PCGF3: variants seen among roughly 807,000 people sequenced by gnomAD.
PCGF3 encodes polycomb group ring finger 3, also known as polycomb group RING finger protein 3.
In PCGF3, 7 loss-of-function variants were observed where a neutral mutation model predicts 33.1. That is an observed-to-expected ratio of 0.21 (90% CI 0.12 to 0.40). The LOEUF is 0.40. PCGF3 is among the 10% of genes least tolerant of loss of function. The probability of loss-of-function intolerance (pLI) is 1.00; values close to 1 mark genes in which losing one functional copy is unlikely to be tolerated. For synonymous variants in PCGF3, 153 were observed against 121.3 expected, an observed-to-expected ratio of 1.26 and a Z score of -1.72; for missense variants, 211 against 313.3, an observed-to-expected ratio of 0.67 and a Z score of 2.46.
chr4:735,094 C>A, intron 5 of PCGF3, 67 bp downstream of exon 5: 1 of 1,520,300 alleles, frequency 6.6e-7, no homozygotes, highest in Non-Finnish European at 9.0e-7. Context: ...TGTGTGTGGG[C>A]CTTCCCAGGC....
At position 766,310 on chromosome 4, in the gene PCGF3, C is replaced by T. The variant is rs567770431; in HGVS notation, c.*231C>T. On this transcript the variant is annotated 3_prime_UTR_variant, in exon 11 of 11. Transcript: ENST00000362003. ...CAGAGCCGATCGTCCTCTCCCCCGC[C>T]CCACCCCGTGCTTCAGCCTTGCAGG... is the stretch of plus-strand genomic sequence containing the variant. 2.9e-5 allele frequency: 14 copies of T among 479,720 alleles called. No individual in the cohort carries two copies. In the East Asian group the frequency reaches 4.4e-4, roughly 15 times the overall value. The allele number at this position is 479,720 out of a possible 1,614,324, so 29.7% of individuals were successfully genotyped here.
At chr4:766,070 C>T (rs1280260051) in exon 11 of PCGF3, 1 of 1,614,102 alleles carries the variant, frequency 6.2e-7, no homozygotes, top group Admixed American at 1.7e-5. Flanking sequence ...CCAAGATGGA[C>T]TTGCTGTGAA....
At chr4:765,870 C>T (rs1745341001) in intron 10 of PCGF3, among the ~76,000 whole-genome samples, 162 bp from the exon 11 acceptor site, 2 of 152,196 alleles carry the variant, frequency 1.3e-5, no homozygotes, top group Admixed American at 1.3e-4. Flanking sequence ...CCAGCAACTT[C>T]TGGGGGACCC....
intron 4 of PCGF3, 125 bp from the exon 5 acceptor site, chr4:734,806 G>A (rs1275700814): frequency 7.1e-7 from 1 of 1,418,128 alleles, no homozygotes; most frequent in African/African-American, 1.5e-5. Context: ...AGAGCCACAA[G>A]GAGGACAGCA....
chr4:749,500 T>TTTTTTTTA, intron 8 of PCGF3, among the ~76,000 whole-genome samples: 1 of 115,544 alleles, frequency 8.7e-6, no homozygotes, highest in Non-Finnish European at 1.9e-5. Flanking sequence ...TTTTTTTTTT[T>TTTTTTTTA]GAGACAGTCT....
In PCGF3 at chr4:761,151, G is replaced by T. The variant is rs1745033350; in HGVS notation, c.463-128G>T. ...CTTTTTCTGCAGTGTTGAAGTCAAAGCAGATGTCTGATCTCAAAAAGGTCA... is the reference window on the plus strand; with the variant it reads ...CTTTTTCTGCAGTGTTGAAGTCAAATCAGATGTCTGATCTCAAAAAGGTCA... On this transcript the variant is annotated intron_variant, in intron 8 of 10. Transcript: ENST00000362003. The T allele has an allele frequency of 6.5e-6, 4 of 611,012 alleles. 1 individual carries two copies. In the South Asian group the frequency reaches 1.1e-4, roughly 16 times the overall value. The allele number at this position is 611,012 out of a possible 1,614,324, so 37.8% of individuals were successfully genotyped here.
intron 9 of PCGF3, 35 bp downstream of exon 9, chr4:761,451 G>C (rs1471107871): frequency 6.5e-7 from 1 of 1,537,086 alleles, no homozygotes; most frequent in Non-Finnish European, 8.8e-7. Flanking sequence ...ACCATAACAA[G>C]TCCTCTCTTA....
chr4:758,812 T>C (rs182290283), intron 8 of PCGF3, among the ~76,000 whole-genome samples: 294 of 5,694 alleles, frequency 0.052, 46 homozygotes, highest in African/African-American at 0.13. Flanking sequence ...GAGCTCTTCT[T>C]GCTCCGGACT....
At chr4:732,865 C>G (rs938691430) in intron 3 of PCGF3, among the ~76,000 whole-genome samples, 2 of 152,254 alleles carry the variant, frequency 1.3e-5, no homozygotes, top group African/African-American at 4.8e-5. Context: ...CGGCCCTGCT[C>G]TCTTGCCTCA....
chr4:760,572 C>A (rs184985704), intron 8 of PCGF3, among the ~76,000 whole-genome samples: 1 of 152,180 alleles, frequency 6.6e-6, no homozygotes, highest in Admixed American at 6.5e-5. Flanking sequence ...CAGTTAACCC[C>A]CTGTCCATTC....
chr4:767,495 A>T (rs1745434488), exon 11 of PCGF3: 1 of 152,190 alleles, frequency 6.6e-6, no homozygotes, highest in South Asian at 2.1e-4. Flanking sequence ...TTGGGAGCCC[A>T]GGTGGTCCTT....
At chr4:709,695 A>G (rs965537899) in intron 1 of PCGF3, among the ~76,000 whole-genome samples, 1 of 152,250 alleles carries the variant, frequency 6.6e-6, no homozygotes, top group Non-Finnish European at 1.5e-5. Context: ...TAGACTCCCA[A>G]GAGAGACACT....
chr4:741,696 C>T (rs958984827), intron 6 of PCGF3, among the ~76,000 whole-genome samples: 8 of 152,024 alleles, frequency 5.3e-5, no homozygotes, highest in African/African-American at 1.4e-4. Context: ...TGTGAGCCAC[C>T]GCGCCCGGCC....
At chr4:734,697 C>G in intron 4 of PCGF3, 1 of 1,335,580 alleles carries the variant, frequency 7.5e-7, no homozygotes, top group Non-Finnish European at 9.6e-7. Flanking sequence ...CCACTTAATT[C>G]CTAACCCTGC....
At chr4:765,964 CCGATGAAGTAGGTCCTTCT>C in intron 10 of PCGF3, 49 bp from the exon 11 acceptor site, 1 of 1,423,984 alleles carries the variant, frequency 7.0e-7, no homozygotes, top group Non-Finnish European at 9.9e-7. Context: ...AGCACCCTTC[CCGATGAAGTAGGTCCTTCT>C]CGCCTCCACC....
chr4:717,763 G>A (rs1230639316), intron 1 of PCGF3, among the ~76,000 whole-genome samples: 1 of 152,264 alleles, frequency 6.6e-6, no homozygotes, highest in African/African-American at 2.4e-5. Flanking sequence ...AGGAGGGCGT[G>A]TTCTGGGCAC....
At chr4:710,818 T>A (rs1742531166) in intron 1 of PCGF3, among the ~76,000 whole-genome samples, 1 of 152,190 alleles carries the variant, frequency 6.6e-6, no homozygotes, top group Non-Finnish European at 1.5e-5. Flanking sequence ...AGTGCAAGGA[T>A]TTTTGCTGTT....
chr4:730,853 C>G (rs1743525456), intron 2 of PCGF3, 117 bp from the exon 3 acceptor site: 3 of 395,828 alleles, frequency 7.6e-6, no homozygotes, highest in Non-Finnish European at 1.3e-5. Flanking sequence ...TCTGATTGAC[C>G]CCATTCCGCC....
At chr4:768,693 CTT>C (rs892791866) in exon 11 of PCGF3, 36 of 151,310 alleles carry the variant, frequency 2.4e-4, no homozygotes, top group African/African-American at 5.7e-4. Flanking sequence ...AAAAAGAAAA[CTT>C]AACTTTATAA....
Sources: allele counts gnomAD v4.1 joint callset (sites outside exome capture counted in the v4.1 genomes callset), GRCh38; gene constraint gnomAD v4.1.1; transcripts MANE v1.5; gene names NCBI Gene and HGNC (gene_info 2026-07-23, HGNC 2026-07-21).